SPIDR: variants seen among roughly 807,000 people sequenced by gnomAD.
The protein encoded by SPIDR is scaffold protein involved in DNA repair, also known as DNA repair-scaffolding protein.
In SPIDR, 93 loss-of-function variants were observed where a neutral mutation model predicts 104.6. The ratio of observed to expected loss-of-function variants is 0.89; its 90% CI spans 0.75 to 1.06. The LOEUF is 1.06. Ranked by LOEUF, SPIDR falls within the 50% of genes least tolerant of loss-of-function variation. SPIDR has a pLI of 0.00. For synonymous variants in SPIDR, 431 were observed against 416.9 expected (o/e 1.03, Z -0.41); for missense variants, 1,154 against 1,111.2 (o/e 1.04, Z -0.55).
At chr8:47,485,701 T>C (rs116510114) in intron 8 of SPIDR, among the ~76,000 whole-genome samples, 45 of 152,330 alleles carry the variant, frequency 3.0e-4, no homozygotes, top group African/African-American at 1.1e-3. Context: ...TTCTGCAATA[T>C]TGTCTGTTCT....
At chr8:47,616,081 T>A (rs181638455) in intron 10 of SPIDR, among the ~76,000 whole-genome samples, 33 of 152,362 alleles carry the variant, frequency 2.2e-4, no homozygotes, top group African/African-American at 7.0e-4. Flanking sequence ...TGTGGATTTT[T>A]AAAAAATTTT....
At chr8:47,406,133 A>T (rs1188013324) in intron 6 of SPIDR, among the ~76,000 whole-genome samples, 1 of 152,020 alleles carries the variant, frequency 6.6e-6, no homozygotes, top group East Asian at 1.9e-4. Context: ...TTGAAAAGCA[A>T]CATTTGGCAA....
chr8:47,472,402 G>A (rs2075827875), intron 8 of SPIDR, among the ~76,000 whole-genome samples: 2 of 152,222 alleles, frequency 1.3e-5, no homozygotes, highest in Non-Finnish European at 1.5e-5. Context: ...TGGCCACAGA[G>A]GGAGAAGTGA....
Position 47,407,945 on chromosome 8 carries a change from C to T in SPIDR, c.861C>T (p.Tyr287=). ...ISLWRHQCIS[Y]QKTLSGRKSG... The stretch of plus-strand genomic sequence containing the variant: ...TGTGGAGACATCAATGTATTTCTTA[C>T]CAAAAGACACTTTCAGGTAAGGCTT... The change falls in exon 7 of 20, where the codon TAC becomes TAT. Residue 287 remains tyrosine (Y), a synonymous_variant. Coordinates refer to ENST00000297423, the MANE Select transcript of SPIDR (RefSeq NM_001080394.4). 1.3e-6 allele frequency: 2 copies of T among 1,580,698 alleles called. No homozygotes were observed. The highest frequency in any genetic ancestry group is 1.7e-6 in the Non-Finnish European group (2 of 1,159,042).
chr8:47,353,052 C>CAAAAAA (rs57853552), intron 5 of SPIDR, among the ~76,000 whole-genome samples: 1 of 75,560 alleles, frequency 1.3e-5, no homozygotes, highest in East Asian at 3.9e-4. Flanking sequence ...GACTCTATCT[C>CAAAAAA]AAAAAAAAAA....
At chr8:47,487,775 A>G (rs1554732923) in intron 8 of SPIDR, among the ~76,000 whole-genome samples, 1 of 152,242 alleles carries the variant, frequency 6.6e-6, no homozygotes, top group Non-Finnish European at 1.5e-5. Context: ...TAACGAAATG[A>G]AGGCTGAAAT....
intron 7 of SPIDR, among the ~76,000 whole-genome samples, chr8:47,419,796 C>G (rs1418284855): frequency 6.6e-6 from 1 of 152,092 alleles, no homozygotes; most frequent in Non-Finnish European, 1.5e-5. Flanking sequence ...TTGAATATGT[C>G]CCAGAGATTC....
intron 11 of SPIDR, among the ~76,000 whole-genome samples, chr8:47,678,038 CAAAAA>C (rs532756664): frequency 2.8e-5 from 3 of 107,914 alleles, no homozygotes; most frequent in African/African-American, 1.0e-4. Flanking sequence ...ACCTCCACCT[CAAAAA>C]AAAAAAAAAA....
At chr8:47,727,351 C>T (rs2084405597) in intron 17 of SPIDR, 58 bp downstream of exon 17, 1 of 1,529,832 alleles carries the variant, frequency 6.5e-7, no homozygotes, top group Non-Finnish European at 9.0e-7. Context: ...AGAAGCAACC[C>T]AGCCCCAGAA....
chr8:47,345,642 G>A (rs1380222063), intron 5 of SPIDR, among the ~76,000 whole-genome samples: 3 of 152,166 alleles, frequency 2.0e-5, no homozygotes, highest in Admixed American at 6.5e-5. Context: ...ATTTCATTGA[G>A]CAGTGGTTTG....
At chr8:47,624,044 C>A (rs975958753) in intron 10 of SPIDR, among the ~76,000 whole-genome samples, 2 of 152,184 alleles carry the variant, frequency 1.3e-5, no homozygotes, top group African/African-American at 4.8e-5. Flanking sequence ...GTCTCTCAGA[C>A]CACAGTGCAA....
chr8:47,653,839 A>G (rs989434320), intron 10 of SPIDR: 1 of 298,460 alleles, frequency 3.4e-6, no homozygotes, highest in Non-Finnish European at 4.9e-6. Context: ...TACATAGTAA[A>G]TGTGATGAGA....
At chr8:47,406,965 T>C (rs776577331) in intron 6 of SPIDR, among the ~76,000 whole-genome samples, 12 of 152,338 alleles carry the variant, frequency 7.9e-5, no homozygotes, top group Middle Eastern at 6.8e-3. Context: ...AATAAACTTA[T>C]GAGATAATAC....
At position 47,701,859 on chromosome 8, in the gene SPIDR, C is replaced by T. The variant is rs761132270; in HGVS notation, c.1912C>T (p.Leu638Phe). The T allele has an allele frequency of 1.7e-5, 27 of 1,613,994 alleles. No individual in the cohort carries two copies. Among genetic ancestry groups the T allele is most frequent in the Middle Eastern group, 1.6e-4 (1 of 6,084 alleles). The change falls in exon 13 of 20, where the codon CTC (leucine) becomes TTC (phenylalanine). Residue 638 changes from leucine (L) to phenylalanine (F), a missense_variant. Coordinates refer to ENST00000297423, the MANE Select transcript of SPIDR (RefSeq NM_001080394.4). ...PPVTRCLRDILQMNDLGTRCS... is the reference protein window; with the variant it reads ...PPVTRCLRDIFQMNDLGTRCS... ...AGTTACCCGCTGCTTAAGAGACATT[C>T]TCCAGGTAATGTCTTTGTTTCTAAC...
intron 10 of SPIDR, among the ~76,000 whole-genome samples, chr8:47,656,622 C>T (rs2072869651): frequency 6.6e-6 from 1 of 152,170 alleles, no homozygotes; most frequent in Non-Finnish European, 1.5e-5. Flanking sequence ...AAAAGTTAAA[C>T]ATGGAATTAC....
chr8:47,447,061 GT>G (rs1165693391), intron 8 of SPIDR, among the ~76,000 whole-genome samples: 2 of 152,282 alleles, frequency 1.3e-5, no homozygotes, highest in African/African-American at 4.8e-5. Flanking sequence ...TAAAACTTCA[GT>G]GGAGGAAATA....
At chr8:47,730,643 C>A (rs1322118080) in intron 19 of SPIDR, among the ~76,000 whole-genome samples, 2 of 152,164 alleles carry the variant, frequency 1.3e-5, no homozygotes, top group Non-Finnish European at 2.9e-5. Context: ...TGCAGTGACA[C>A]AACCATAAGC....
chr8:47,429,198 CA>C (rs1159879978), intron 7 of SPIDR, among the ~76,000 whole-genome samples: 10 of 152,026 alleles, frequency 6.6e-5, no homozygotes, highest in African/African-American at 2.2e-4. Flanking sequence ...TTAATAATGC[CA>C]AGTTATTTGA....
intron 5 of SPIDR, among the ~76,000 whole-genome samples, chr8:47,304,998 A>G (rs1256637629): frequency 2.0e-5 from 3 of 152,206 alleles, no homozygotes; most frequent in African/African-American, 4.8e-5. Context: ...AAGGTGTAGG[A>G]CAAAGGTCCT....
Sources: gnomAD v4.1 joint callset for allele counts (sites outside exome capture counted in the v4.1 genomes callset) on GRCh38, gnomAD v4.1.1 for gene constraint, MANE v1.5 for transcripts, NCBI Gene and HGNC (gene_info 2026-07-23, HGNC 2026-07-21) for gene names.